Variants in VSNL1 observed in about 807,000 individuals in gnomAD.
The protein encoded by VSNL1 is visinin like 1, also known as visinin-like protein 1.
In VSNL1, 6 loss-of-function variants were observed where a neutral mutation model predicts 20.4. That is an observed-to-expected ratio of 0.29 (90% confidence interval 0.16 to 0.58). The LOEUF (loss-of-function observed/expected upper bound fraction) is 0.58, where lower values mean the gene tolerates loss of function less well. Among genes scored for constraint, VSNL1 ranks in the 20% least tolerant of loss-of-function variants. The pLI, the probability that VSNL1 is intolerant of heterozygous loss-of-function variation, is 0.90. For synonymous variants in VSNL1, 93 were observed against 86.4 expected (o/e 1.08, Z -0.42); for missense variants, 100 against 234.5 (o/e 0.43, Z 3.75).
chr2:17,648,324 G>A (rs1388845806), intron 2 of VSNL1, among the ~76,000 whole-genome samples: 1 of 152,222 alleles, frequency 6.6e-6, no homozygotes, highest in Non-Finnish European at 1.5e-5. Context: ...AGGTCAGGAT[G>A]CACAGTGAGA....
intron 2 of VSNL1, among the ~76,000 whole-genome samples, chr2:17,612,089 C>T (rs1376082917): frequency 6.6e-6 from 1 of 152,214 alleles, no homozygotes; most frequent in Non-Finnish European, 1.5e-5. Flanking sequence ...CACTCACACA[C>T]ATGCACGTGC....
intron 2 of VSNL1, among the ~76,000 whole-genome samples, chr2:17,610,296 G>T (rs140727002): frequency 6.6e-6 from 1 of 152,246 alleles, no homozygotes; most frequent in East Asian, 1.9e-4. Context: ...CATGACTCCT[G>T]CCCTCAAAGA....
chr2:17,644,211 C>T (rs982867350), intron 2 of VSNL1, among the ~76,000 whole-genome samples: 9 of 152,192 alleles, frequency 5.9e-5, no homozygotes, highest in African/African-American at 2.2e-4. Context: ...ATCAAATGAC[C>T]TCTCAAAGGC....
intron 1 of VSNL1, among the ~76,000 whole-genome samples, chr2:17,545,393 A>G (rs1391080962): frequency 6.6e-6 from 1 of 152,132 alleles, no homozygotes; most frequent in Non-Finnish European, 1.5e-5. Flanking sequence ...TTTAAAATCT[A>G]TTTACATGTT....
chr2:17,638,637 C>G (rs1475066917), intron 2 of VSNL1, among the ~76,000 whole-genome samples: 4 of 152,200 alleles, frequency 2.6e-5, no homozygotes, highest in Non-Finnish European at 4.4e-5. Context: ...GCGCTGGAGT[C>G]CAAGCTGCCC....
At chr2:17,581,774 A>G (rs769934057) in intron 1 of VSNL1, among the ~76,000 whole-genome samples, 3 of 152,050 alleles carry the variant, frequency 2.0e-5, no homozygotes, top group Admixed American at 6.6e-5. Flanking sequence ...GTTCTCTCTT[A>G]TCGCTCAACT....
intron 1 of VSNL1, among the ~76,000 whole-genome samples, chr2:17,570,380 A>G (rs1185619915): frequency 6.6e-6 from 1 of 152,196 alleles, no homozygotes; most frequent in Admixed American, 6.5e-5. Context: ...GCTCCAAGAA[A>G]CTTATAAACC....
intron 1 of VSNL1, among the ~76,000 whole-genome samples, chr2:17,549,185 C>A (rs1663469299): frequency 6.6e-6 from 1 of 152,156 alleles, no homozygotes; most frequent in African/African-American, 2.4e-5. Context: ...AAATGGTTCT[C>A]AAATAACACC....
At chr2:17,592,363 C>A in intron 2 of VSNL1, 127 bp downstream of exon 2, 1 of 1,022,964 alleles carries the variant, frequency 9.8e-7, no homozygotes, top group Non-Finnish European at 1.4e-6. Context: ...GTTTTCCATC[C>A]AGAAAGAAAA....
chr2:17,600,088 C>T (rs951520017), intron 2 of VSNL1, among the ~76,000 whole-genome samples: 4 of 152,162 alleles, frequency 2.6e-5, no homozygotes, highest in South Asian at 2.1e-4. Context: ...TTAGCAAGGA[C>T]ATTCTGTTCT....
At chr2:17,556,047 C>T (rs1173606659) in intron 1 of VSNL1, among the ~76,000 whole-genome samples, 2 of 152,140 alleles carry the variant, frequency 1.3e-5, no homozygotes, top group Admixed American at 6.6e-5. Context: ...TGCCTCATTT[C>T]TTTGCCTTTT....
At chr2:17,596,484 G>A (rs1394217024) in intron 2 of VSNL1, among the ~76,000 whole-genome samples, 1 of 152,172 alleles carries the variant, frequency 6.6e-6, no homozygotes. Context: ...ATCAACCCAG[G>A]GGAAGAGCAA....
In VSNL1 at chr2:17,592,640, C is replaced by CTTTTTTTTTT. The variant is rs55756596; in HGVS notation, c.162+434_162+443dup. 7.8e-4 allele frequency among the ~76,000 whole-genome samples: 55 copies of CTTTTTTTTTT among 70,876 alleles called. 2 individuals carry two copies. Among genetic ancestry groups the CTTTTTTTTTT allele is most frequent in the African/African-American group, 2.7e-3 (55 of 20,362 alleles). The allele number at this position is 70,876 out of a possible 152,430, so 46.5% of individuals were successfully genotyped here. A position where few individuals can be genotyped will look rare whatever the true frequency, so the allele number is the denominator to read the frequency against. On this transcript the variant is annotated intron_variant, in intron 2 of 3. Coordinates refer to ENST00000295156, the MANE Select transcript of VSNL1 (RefSeq NM_003385.5). ...AAGAGGGCTTTTTCTCTCTCTCTCT[C>CTTTTTTTTTT]TTTTTTTTTTTTTTTTTTTTTTTTT...
chr2:17,611,805 A>G (rs930357602), intron 2 of VSNL1, among the ~76,000 whole-genome samples: 6 of 152,104 alleles, frequency 3.9e-5, no homozygotes, highest in Non-Finnish European at 8.8e-5. Context: ...TGCTCCCCCA[A>G]ATGTCTCTCA....
At chr2:17,610,084 C>T (rs898230818) in intron 2 of VSNL1, among the ~76,000 whole-genome samples, 3 of 152,202 alleles carry the variant, frequency 2.0e-5, no homozygotes, top group African/African-American at 7.2e-5. Context: ...CAGGCAGTGC[C>T]ACATAGGGTA....
In VSNL1 at chr2:17,578,854, G is replaced by A. The variant is rs186093846; in HGVS notation, c.-5-13216G>A. On this transcript the variant is annotated intron_variant, in intron 1 of 3. Transcript: ENST00000295156. Reference sequence around the variant, plus strand: ...CAGAGCTGGAAACACATCAAACACAGGGACCTCACAGAAGAGGGTCAGCAT... The same window carrying A: ...CAGAGCTGGAAACACATCAAACACAAGGACCTCACAGAAGAGGGTCAGCAT... Among the ~76,000 whole-genome samples, 36 of 152,364 alleles carry A rather than the reference G, an allele frequency of 2.4e-4. No homozygotes were observed. In the East Asian group the frequency reaches 6.6e-3, roughly 28 times the overall value.
intron 2 of VSNL1, among the ~76,000 whole-genome samples, chr2:17,615,944 A>G (rs1665207147): frequency 6.6e-6 from 1 of 152,248 alleles, no homozygotes; most frequent in Non-Finnish European, 1.5e-5. Flanking sequence ...ATCATGATTC[A>G]TTTTAGTCCA....
chr2:17,607,451 T>G (rs1337009951), intron 2 of VSNL1, among the ~76,000 whole-genome samples: 2 of 152,294 alleles, frequency 1.3e-5, no homozygotes, highest in East Asian at 3.9e-4. Context: ...AGAATGAAGT[T>G]CAATATGAGT....
intron 2 of VSNL1, 38 bp downstream of exon 2, chr2:17,592,274 C>A: frequency 6.2e-7 from 1 of 1,603,012 alleles, no homozygotes; most frequent in Non-Finnish European, 8.5e-7. Context: ...TTCCTTAGGC[C>A]AGAAACTATG....
Sources: gnomAD v4.1 joint callset for allele counts (sites outside exome capture counted in the v4.1 genomes callset) on GRCh38, gnomAD v4.1.1 for gene constraint, MANE v1.5 for transcripts, NCBI Gene and HGNC (gene_info 2026-07-23, HGNC 2026-07-21) for gene names.